Variants in PBRM1 observed in about 807,000 individuals in gnomAD.
The protein encoded by PBRM1 is polybromo 1, also known as protein polybromo-1.
PBRM1 carries 27 observed loss-of-function variants against 194.5 expected under a neutral mutation model. The observed-to-expected ratio is 0.14, with a 90% CI of 0.10 to 0.19. The LOEUF (loss-of-function observed/expected upper bound fraction) is 0.19. Ranked by LOEUF, PBRM1 falls within the 10% of genes least tolerant of loss-of-function variation. PBRM1 has a pLI of 1.00. For synonymous variants in PBRM1, 655 were observed against 693.2 expected (o/e 0.94, Z 0.87); for missense variants, 1,466 against 2,077.2 (o/e 0.71, Z 5.72).
intron 7 of PBRM1, among the ~76,000 whole-genome samples, chr3:52,646,410 C>T (rs2096289890): frequency 6.6e-6 from 1 of 152,128 alleles, no homozygotes; most frequent in African/African-American, 2.4e-5. Context: ...ATTTGCAAAG[C>T]AATGAAACAG....
At chr3:52,654,774 T>C (rs1025752329) in intron 5 of PBRM1, among the ~76,000 whole-genome samples, 1 of 152,106 alleles carries the variant, frequency 6.6e-6, no homozygotes, top group Admixed American at 6.5e-5. Context: ...CATGTGTGAA[T>C]GAGAGTTGAC....
At chr3:52,587,601 G>A (rs2092570893) in intron 18 of PBRM1, 91 bp from the exon 21 acceptor site, 1 of 959,962 alleles carries the variant, frequency 1.0e-6, no homozygotes, top group African/African-American at 1.7e-5. Flanking sequence ...AAAGAGACTG[G>A]GTCTCACTAC....
chr3:52,654,089 C>T (rs1043597086), intron 5 of PBRM1, among the ~76,000 whole-genome samples: 2 of 152,082 alleles, frequency 1.3e-5, no homozygotes, highest in African/African-American at 4.8e-5. Context: ...CTGAAGTTGC[C>T]CAAATATCAA....
chr3:52,637,698 C>T (rs1012256195), intron 10 of PBRM1, among the ~76,000 whole-genome samples: 15 of 144,096 alleles, frequency 1.0e-4, no homozygotes, highest in Non-Finnish European at 2.1e-4. Context: ...GAGGCTGAGG[C>T]GGGCGGATCA....
At chr3:52,654,710 G>C (rs2096574065) in intron 5 of PBRM1, among the ~76,000 whole-genome samples, 1 of 152,142 alleles carries the variant, frequency 6.6e-6, no homozygotes, top group Non-Finnish European at 1.5e-5. Context: ...ATCTCCTGCA[G>C]GGTAAGAATA....
chr3:52,634,435 C>CA (rs370025797), intron 11 of PBRM1, among the ~76,000 whole-genome samples, 167 bp downstream of exon 12: 1,185 of 44,830 alleles, frequency 0.026, 17 homozygotes, highest in South Asian at 0.057. Context: ...GACTCCGTCT[C>CA]AAAAAAAAAA....
rs1303204259 is a variant in PBRM1 at position 52,617,837 on chromosome 3, A to T, written c.1542-299T>A. 5.9e-5 allele frequency among the ~76,000 whole-genome samples: 9 copies of T among 152,256 alleles called. No individual in the cohort carries two copies. In the East Asian group the frequency reaches 1.7e-3, roughly 29 times the overall value. On this transcript the variant is annotated intron_variant, in intron 13 of 29. Transcript: ENST00000296302. The stretch of plus-strand genomic sequence containing the variant: ...TAAGATCCTCTCTGATACCAAAAGA[A>T]AATGAAATTATATAGTCAACTGAGA...
chr3:52,580,477 GC>G (rs1320976156), intron 20 of PBRM1, among the ~76,000 whole-genome samples: 4 of 152,134 alleles, frequency 2.6e-5, no homozygotes, highest in African/African-American at 9.6e-5. Flanking sequence ...TCCTGCCTCA[GC>G]CTCTGGAGTA....
intron 13 of PBRM1, among the ~76,000 whole-genome samples, chr3:52,625,338 C>G (rs867074386): frequency 6.6e-6 from 1 of 152,128 alleles, no homozygotes; most frequent in African/African-American, 2.4e-5. Context: ...CATGACTGAT[C>G]GTGTTATTTC....
intron 20 of PBRM1, among the ~76,000 whole-genome samples, chr3:52,584,066 C>T (rs2091926889): frequency 6.6e-6 from 1 of 152,148 alleles, no homozygotes; most frequent in African/African-American, 2.4e-5. Flanking sequence ...CTCTTTCATA[C>T]CCCTTTTTCC....
chr3:52,583,623 G>C (rs1052858199), intron 20 of PBRM1, among the ~76,000 whole-genome samples: 1 of 151,762 alleles, frequency 6.6e-6, no homozygotes, highest in African/African-American at 2.4e-5. Context: ...TTCCCCCCTA[G>C]ACCCTAAAGA....
intron 7 of PBRM1, among the ~76,000 whole-genome samples, chr3:52,645,399 G>C (rs1251722903): frequency 6.6e-6 from 1 of 150,532 alleles, no homozygotes; most frequent in Non-Finnish European, 1.5e-5. Context: ...CTATCTTCAA[G>C]TGATCCTCCT....
intron 20 of PBRM1, among the ~76,000 whole-genome samples, chr3:52,579,878 G>A (rs1317465095): frequency 6.6e-6 from 1 of 152,172 alleles, no homozygotes; most frequent in African/African-American, 2.4e-5. Flanking sequence ...TATAGTGTAA[G>A]GGGCAAATTC....
At chr3:52,589,130 C>T in exon 18 of PBRM1, 1 of 1,613,488 alleles carries the variant, frequency 6.2e-7, no homozygotes, top group Non-Finnish European at 8.5e-7. Flanking sequence ...TTGGCCTCTG[C>T]AGGTTCCACA....
At chr3:52,683,111 G>A (rs760962267), upstream of PBRM1, among the ~76,000 whole-genome samples, 3 of 152,034 alleles carry the variant, frequency 2.0e-5, no homozygotes, top group Non-Finnish European at 4.4e-5. Context: ...ACTGAGGCAG[G>A]AGAATCGCTT....
At chr3:52,636,856 C>T (rs564905794) in intron 10 of PBRM1, among the ~76,000 whole-genome samples, 1 of 106,624 alleles carries the variant, frequency 9.4e-6, no homozygotes, top group Non-Finnish European at 2.0e-5. Context: ...GAGACTCCGC[C>T]TTAAAAAAAA....
chr3:52,596,436 CAAAAAAAAAAAAAAAAAAAAAAAAA>C (rs763007814), intron 17 of PBRM1, among the ~76,000 whole-genome samples: 17 of 50,372 alleles, frequency 3.4e-4, no homozygotes, highest in Admixed American at 6.3e-4. Flanking sequence ...GACTCCGTCT[CAAAAAAAAAAAAAAAAAAAAAAAAA>C]AAAAAAAAAA....
chr3:52,563,605 A>C (rs2084246874), intron 23 of PBRM1, 112 bp from the exon 26 acceptor site: 1 of 706,504 alleles, frequency 1.4e-6, no homozygotes, highest in African/African-American at 1.8e-5. Context: ...TCTGCAATAT[A>C]TGCTCTAAAG....
intron 2 of PBRM1, among the ~76,000 whole-genome samples, chr3:52,676,573 G>C (rs931346115): frequency 6.6e-6 from 1 of 152,076 alleles, no homozygotes; most frequent in African/African-American, 2.4e-5. Context: ...CCCAGTCTCG[G>C]GTATGTCTTT....
Sources: gnomAD v4.1 joint callset for allele counts (sites outside exome capture counted in the v4.1 genomes callset) on GRCh38, gnomAD v4.1.1 for gene constraint, MANE v1.5 for transcripts, NCBI Gene and HGNC (gene_info 2026-07-23, HGNC 2026-07-21) for gene names.